JDP2: variants seen among roughly 807,000 people sequenced by gnomAD.
JDP2 encodes the protein progesterone receptor co-activator.
Under a neutral mutation model 17.1 loss-of-function variants are expected in JDP2, and 9 were observed. The observed-to-expected ratio is 0.53, with a 90% CI of 0.32 to 0.92. JDP2 has a LOEUF of 0.92. JDP2 is among the 40% of genes least tolerant of loss of function. The pLI is 0.04. For missense variants in JDP2, 179 were observed against 220.0 expected, an observed-to-expected ratio of 0.81 and a Z score of 1.18; for synonymous variants, 107 against 95.6, an observed-to-expected ratio of 1.12 and a Z score of -0.69.
At chr14:75,453,746 CA>C (rs1463733795) in intron 2 of JDP2, among the ~76,000 whole-genome samples, 2 of 152,238 alleles carry the variant, frequency 1.3e-5, no homozygotes, top group East Asian at 1.9e-4. Context: ...GACCACCCCC[CA>C]ACCCCACCAA....
At chr14:75,429,284 A>G (rs934408105) in intron 1 of JDP2, among the ~76,000 whole-genome samples, 1 of 152,134 alleles carries the variant, frequency 6.6e-6, no homozygotes. Flanking sequence ...GTTGGAATCC[A>G]GGGCATGGGG....
chr14:75,448,840 G>A (rs923516861), intron 2 of JDP2, among the ~76,000 whole-genome samples: 1 of 152,152 alleles, frequency 6.6e-6, no homozygotes, highest in African/African-American at 2.4e-5. Flanking sequence ...TGATAACTGA[G>A]GATCCACTCC....
intron 1 of JDP2, among the ~76,000 whole-genome samples, chr14:75,431,352 C>A (rs982101333): frequency 3.3e-5 from 5 of 152,204 alleles, no homozygotes; most frequent in Non-Finnish European, 7.3e-5. Flanking sequence ...GGGTTGGTTC[C>A]AGGTTCTTCT....
At chr14:75,434,627 G>T (rs1165177512) in intron 1 of JDP2, among the ~76,000 whole-genome samples, 2 of 152,150 alleles carry the variant, frequency 1.3e-5, no homozygotes, top group African/African-American at 4.8e-5. Context: ...GGGATCATTT[G>T]TTAGTGTCTC....
intron 2 of JDP2, among the ~76,000 whole-genome samples, chr14:75,460,264 G>A (rs1886295798): frequency 6.6e-6 from 1 of 151,566 alleles, no homozygotes; most frequent in South Asian, 2.1e-4. Flanking sequence ...CGGAGGCTCA[G>A]GAGGCCCCTT....
intron 1 of JDP2, among the ~76,000 whole-genome samples, chr14:75,435,546 G>A (rs890420779): frequency 6.6e-6 from 1 of 152,210 alleles, no homozygotes; most frequent in Non-Finnish European, 1.5e-5. Flanking sequence ...AAACAAAGAA[G>A]GAAGGGTGAG....
chr14:75,462,281 GTC>G (rs1188168569), intron 3 of JDP2, among the ~76,000 whole-genome samples: 1 of 152,204 alleles, frequency 6.6e-6, no homozygotes, highest in East Asian at 1.9e-4. Flanking sequence ...CAGGCCAGGA[GTC>G]TCTGGTCTTT....
intron 2 of JDP2, among the ~76,000 whole-genome samples, chr14:75,460,824 C>T (rs542308660): frequency 6.6e-6 from 1 of 152,216 alleles, no homozygotes; most frequent in Non-Finnish European, 1.5e-5. Flanking sequence ...ACATCTGAAC[C>T]TGGATATCTG....
intron 2 of JDP2, among the ~76,000 whole-genome samples, chr14:75,453,141 C>T (rs1338070921): frequency 6.6e-6 from 1 of 151,974 alleles, no homozygotes; most frequent in Non-Finnish European, 1.5e-5. Context: ...AGATCTTGTC[C>T]CTGAATTGCC....
chr14:75,438,075 T>A lies in JDP2; in HGVS notation c.155T>A (p.Phe52Tyr). 1 of 1,613,656 alleles carries A rather than the reference T, an allele frequency of 6.2e-7. No individual in the cohort carries two copies. The highest frequency in any genetic ancestry group is 8.5e-7 in the Non-Finnish European group (1 of 1,179,700). The change falls in exon 2 of 4, where the codon TTC (phenylalanine) becomes TAC (tyrosine). Residue 52 changes from phenylalanine to tyrosine, a missense_variant. By Grantham distance (22) the Phe-to-Tyr change is conservative. Transcript: ENST00000651602. The stretch of plus-strand genomic sequence containing the variant: ...GGGGCCATGATTGCACCCTTGCACT[T>A]CCTGGAGGTGAAACTGGGCAAGAGG... Reference protein sequence around the residue: ...NLGAMIAPLHFLEVKLGKRPQ... With the variant: ...NLGAMIAPLHYLEVKLGKRPQ...
chr14:75,453,139 T>C (rs1246068076), intron 2 of JDP2, among the ~76,000 whole-genome samples: 2 of 144,660 alleles, frequency 1.4e-5, no homozygotes, highest in Non-Finnish European at 3.0e-5. Context: ...TGAGATCTTG[T>C]CCCTGAATTG....
At chr14:75,461,348 C>T (rs540144367) in intron 2 of JDP2, 78 bp from the exon 3 acceptor site, 25 of 1,066,150 alleles carry the variant, frequency 2.3e-5, no homozygotes, top group Admixed American at 1.6e-4. Flanking sequence ...CGAAGTTGTC[C>T]CTCTGTCTAT....
intron 2 of JDP2, chr14:75,445,103 A>T: frequency 2.0e-6 from 2 of 985,380 alleles, no homozygotes. Context: ...CACCGGCAAC[A>T]TGGACTCAGA....
chr14:75,455,705 G>T (rs1886070248), intron 2 of JDP2, among the ~76,000 whole-genome samples: 2 of 152,214 alleles, frequency 1.3e-5, no homozygotes, highest in Admixed American at 6.5e-5. Context: ...AGCTCTCCCT[G>T]GGTTCCAATC....
intron 2 of JDP2, among the ~76,000 whole-genome samples, chr14:75,449,713 C>T (rs1885765245): frequency 6.6e-6 from 1 of 152,342 alleles, no homozygotes; most frequent in African/African-American, 2.4e-5. Context: ...AGACATCCTT[C>T]CCCAAATAGC....
chr14:75,451,339 A>T (rs187986759), intron 2 of JDP2, among the ~76,000 whole-genome samples: 165 of 152,082 alleles, frequency 1.1e-3, no homozygotes, highest in African/African-American at 3.7e-3. Context: ...AGCAAATCTG[A>T]CGAAGATTTA....
At chr14:75,467,939 A>G (rs1419208134) in intron 3 of JDP2, among the ~76,000 whole-genome samples, 1 of 151,922 alleles carries the variant, frequency 6.6e-6, no homozygotes, top group Non-Finnish European at 1.5e-5. Context: ...GTTCCCGGGC[A>G]CTCATGCTGC....
intron 3 of JDP2, among the ~76,000 whole-genome samples, chr14:75,465,835 C>A (rs187196687): frequency 1.3e-5 from 2 of 152,284 alleles, no homozygotes; most frequent in Non-Finnish European, 2.9e-5. Context: ...TGCACTAATT[C>A]TATTCTAAAA....
At chr14:75,436,721 A>C (rs1885080505) in intron 1 of JDP2, among the ~76,000 whole-genome samples, 1 of 152,240 alleles carries the variant, frequency 6.6e-6, no homozygotes, top group African/African-American at 2.4e-5. Flanking sequence ...CTTCACTGCC[A>C]TCTGTGCCTT....
Sources: gnomAD v4.1 joint callset for allele counts (sites outside exome capture counted in the v4.1 genomes callset) on GRCh38, gnomAD v4.1.1 for gene constraint, MANE v1.5 for transcripts, NCBI Gene and HGNC (gene_info 2026-07-23, HGNC 2026-07-21) for gene names.